Variants in WDR24 observed in about 807,000 individuals in gnomAD.
The protein encoded by WDR24 is WD repeat domain 24, also known as GATOR2 complex protein WDR24.
A neutral mutation model predicts 66.7 loss-of-function variants in WDR24; 32 were observed. The observed-to-expected ratio is 0.48, with a 90% CI of 0.36 to 0.64. The LOEUF (loss-of-function observed/expected upper bound fraction) is 0.64, where lower values mean the gene tolerates loss of function less well. Ranked by LOEUF, WDR24 falls within the 30% of genes least tolerant of loss-of-function variation. The pLI is 0.00. For synonymous variants in WDR24, 565 were observed against 469.1 expected (o/e 1.20, Z -2.64); for missense variants, 978 against 1,144.1 (o/e 0.85, Z 2.09).
In WDR24 at chr16:685,482, G is replaced by A. The variant is rs1271093784; in HGVS notation, c.1794C>T (p.Ser598=). ...LQDKADSPHV[S]GSEADVASLA... is the part of the protein sequence containing the mutation. The stretch of plus-strand genomic sequence containing the variant: ...GGGAGGCCACATCCGCCTCGCTGCC[G>A]CTCACGTGCGGGGAGTCGGCCTTGT... Residue 598 remains serine, a synonymous_variant, in exon 7 of 9, where the codon AGC becomes AGT. Transcript: ENST00000293883. 1 of 1,600,378 alleles carries A rather than the reference G, an allele frequency of 6.2e-7. No homozygotes were observed. Among genetic ancestry groups the A allele is most frequent in the Non-Finnish European group, 8.5e-7 (1 of 1,170,610 alleles).
rs765066319 is a variant in WDR24, at chr16:686,823, C to A, written c.1253G>T (p.Arg418Leu). The change falls in exon 3 of 9, where the codon CGT (arginine) becomes CTT (leucine). Residue 418 changes from arginine to leucine, a missense_variant. Physicochemically the swap from Arg to Leu is moderately radical, Grantham distance 102. Around this residue, in one of 2 missense-constraint regions of WDR24, gnomAD observed 676 missense variants for 617.5 expected, o/e 1.09. Coordinates refer to ENST00000293883, the MANE Select transcript of WDR24 (RefSeq NM_032259.4). ...GMRWFVDTAE[R>L]YALAGRPLAE... ...CAGTGGCCGGCCAGCCAGCGCATAA[C>A]GCTCAGCTGTGTCCACAAACCAGCG... 1.2e-6 allele frequency: 2 copies of A among 1,612,348 alleles called. No homozygotes were observed. Among genetic ancestry groups the A allele is most frequent in the South Asian group, 2.2e-5 (2 of 91,080 alleles).
Position 689,603 on chromosome 16 carries a change from C to T in WDR24, c.38G>A (p.Gly13Asp). ...KMSRVTTALG[G>D]SVLTGRTMHC... ...CATGGTGCGGCCTGTCAGCACGCTG[C>T]CACCCAGGGCTGTGGTCACACGGGA... The change falls in exon 1 of 9, where the codon GGC becomes GAC. Residue 13 changes from glycine to aspartate, a missense_variant. Coordinates refer to ENST00000293883, the MANE Select transcript of WDR24 (RefSeq NM_032259.4). The T allele has an allele frequency of 6.2e-7, 1 of 1,612,828 alleles. No individual in the cohort carries two copies. The highest frequency in any genetic ancestry group is 8.5e-7 in the Non-Finnish European group (1 of 1,179,992).
rs750721897 is a variant in WDR24 at position 687,635 on chromosome 16, G to T, written c.586C>A (p.Pro196Thr). 1.7e-4 allele frequency: 277 copies of T among 1,613,580 alleles called. No individual in the cohort carries two copies. Among genetic ancestry groups the T allele is most frequent in the Admixed American group, 5.5e-4 (33 of 60,030 alleles). ...GNVQLWDIRRPDRCERMFTAH... is the reference protein window; with the variant it reads ...GNVQLWDIRRTDRCERMFTAH... ...GTGAACATCCTCTCGCACCGGTCGG[G>T]ACGCCGGATGTCCCAGAGCTGCACA... Residue 196 changes from proline (P) to threonine (T), a missense_variant, in exon 2 of 9, where the codon CCC (proline) becomes ACC (threonine). This residue lies in a region of WDR24 where 302 missense variants were observed against 526.6 expected (regional missense o/e 0.57). Coordinates refer to ENST00000293883, the MANE Select transcript of WDR24 (RefSeq NM_032259.4).
chr16:690,290 G>A lies in WDR24; in HGVS notation c.-650C>T, dbSNP rs1261352924. 1 of 442,212 alleles carries A rather than the reference G, an allele frequency of 2.3e-6. No individual in the cohort carries two copies. The highest frequency in any genetic ancestry group is 2.0e-5 in the African/African-American group (1 of 49,672). 27.4% of individuals were successfully genotyped at this position (442,212 alleles called of 1,614,324 possible). On this transcript the variant is annotated 5_prime_UTR_variant, in exon 1 of 9. Coordinates refer to ENST00000293883, the MANE Select transcript of WDR24 (RefSeq NM_032259.4). ...AGCGGCGCAGTGGCGCGGGGGAGCG[G>A]ACGCTGCGGGACGAGAACCAGAGGG...
At position 686,778 on chromosome 16, in the gene WDR24, T is replaced by C; in HGVS notation, c.1298A>G (p.Asn433Ser). 1 of 1,607,322 alleles carries C rather than the reference T, an allele frequency of 6.2e-7. No homozygotes were observed. Among genetic ancestry groups the C allele is most frequent in the Non-Finnish European group, 8.5e-7 (1 of 1,175,568 alleles). Residue 433 changes from asparagine to serine, a missense_variant, in exon 3 of 9, where the codon AAC (asparagine) becomes AGC (serine). Transcript: ENST00000293883. ...GRPLAELCDH[N>S]AKVARELGRN... ...GCCAAGCTCTCGAGCCACCTTTGCG[T>C]TGTGGTCACAGAGCTCGGCCAGTGG...
intron 1 of WDR24, chr16:688,886 G>T: frequency 2.1e-6 from 1 of 471,160 alleles, no homozygotes; most frequent in Non-Finnish European, 3.8e-6. Flanking sequence ...AGGCTGGCTG[G>T]GAGACCGCTG....
intron 7 of WDR24, 25 bp downstream of exon 7, chr16:685,232 G>C (rs751730087): frequency 1.3e-6 from 2 of 1,595,706 alleles, no homozygotes; most frequent in East Asian, 2.2e-5. Flanking sequence ...GGCGCTGCAG[G>C]GGGGAGGCCC....
Position 686,853 on chromosome 16 carries a change from C to G in WDR24, c.1223G>C (p.Gly408Ala). Residue 408 changes from glycine to alanine, a missense_variant, in exon 3 of 9, where the codon GGC becomes GCC. Transcript: ENST00000293883. ...SVFETEPGGG[G>A]MRWFVDTAER... ...AGCTGTGTCCACAAACCAGCGCATG[C>G]CGCCGCCACCTGGCTCCGTCTCAAA... 1.2e-6 allele frequency: 2 copies of G among 1,610,868 alleles called. No individual in the cohort carries two copies. The highest frequency in any genetic ancestry group is 1.7e-6 in the Non-Finnish European group (2 of 1,179,736).
Position 685,758 on chromosome 16 carries a change from G to A in WDR24, c.1599C>T (p.Asp533=), listed in dbSNP as rs780722968. ...NEDNEETEGS[D]VPADYLLGDV... ...CACCCAGCAGGTAGTCGGCAGGTAC[G>A]TCGCTGCCCTCGGTTTCCTCGTTAT... The change falls in exon 6 of 9, where the codon GAC becomes GAT. Residue 533 remains aspartate, a synonymous_variant. Transcript: ENST00000293883. The A allele has an allele frequency of 5.0e-6, 8 of 1,613,166 alleles. No homozygotes were observed. The African/African-American group carries it at 6.7e-5, about 13-fold the overall frequency.
At position 685,144 on chromosome 16, in the gene WDR24, C is replaced by T. The variant is rs748879826; in HGVS notation, c.2052G>A (p.Leu684=). 1.3e-6 allele frequency: 2 copies of T among 1,568,186 alleles called. No individual in the cohort carries two copies. The highest frequency in any genetic ancestry group is 1.2e-5 in the South Asian group (1 of 86,496). Residue 684 remains leucine (L), a synonymous_variant, in exon 8 of 9, where the codon CTG becomes CTA. Coordinates refer to ENST00000293883, the MANE Select transcript of WDR24 (RefSeq NM_032259.4). ...EHWYTSYIDL[L]QRFRLWNVSN... ...ACACGTTCCAGAGGCGGAAGCGCTG[C>T]AGCAGGTCGATGTAGGAAGTGTACC...
chr16:687,512 G>T, intron 2 of WDR24, 50 bp downstream of exon 2: 1 of 1,598,914 alleles, frequency 6.3e-7, no homozygotes. Context: ...TGGATCTGAG[G>T]CAGTGAGAGC....
In WDR24 at chr16:687,635, G is replaced by A; in HGVS notation, c.586C>T (p.Pro196Ser). Residue 196 changes from proline to serine, a missense_variant, in exon 2 of 9, where the codon CCC becomes TCC. Physicochemically the swap from Pro to Ser is moderately conservative, Grantham distance 74 (BLOSUM62 -1). Transcript: ENST00000293883. ...GTGAACATCCTCTCGCACCGGTCGG[G>A]ACGCCGGATGTCCCAGAGCTGCACA... is the stretch of plus-strand genomic sequence containing the variant. ...GNVQLWDIRR[P>S]DRCERMFTAH... The A allele has an allele frequency of 1.2e-6, 2 of 1,613,580 alleles. No homozygotes were observed. The highest frequency in any genetic ancestry group is 1.7e-6 in the Non-Finnish European group (2 of 1,180,030).
At chr16:686,689 C>T (rs2039911297) in intron 3 of WDR24, 55 bp downstream of exon 3, 15 of 1,529,004 alleles carry the variant, frequency 9.8e-6, no homozygotes, top group Non-Finnish European at 1.3e-5. Context: ...ACGGAGGAAC[C>T]AGCCCCTGCC....
At chr16:686,704 G>A in intron 3 of WDR24, 40 bp downstream of exon 3, 1 of 1,550,102 alleles carries the variant, frequency 6.5e-7, no homozygotes, top group South Asian at 1.2e-5. Context: ...CCTGCCCTGA[G>A]GTCGTGGCCC....
rs546263208 is a variant in WDR24 at position 684,647 on chromosome 16, C to T, written c.*87G>A. The T allele has an allele frequency of 6.8e-7, 1 of 1,463,322 alleles. No homozygotes were observed. The allele number at this position is 1,463,322 out of a possible 1,614,324, so 90.6% of individuals were successfully genotyped here. A position where few individuals can be genotyped will look rare whatever the true frequency, so the allele number is the denominator to read the frequency against. ...GCGGCTCTACTTCCTTTATTGAGGT[C>T]TCAAGTTCCAGCCTCCGCCCGTCTC... is the stretch of plus-strand genomic sequence containing the variant. On this transcript the variant is annotated 3_prime_UTR_variant, in exon 9 of 9. Transcript: ENST00000293883.
Position 685,319 on chromosome 16 carries a change from C to G in WDR24, c.1957G>C (p.Ala653Pro). 6.2e-7 allele frequency: 1 copy of G among 1,605,698 alleles called. No homozygotes were observed. The highest frequency in any genetic ancestry group is 8.5e-7 in the Non-Finnish European group (1 of 1,177,700). ...FYAEQGDVQMAVSVLIVLGER... is the reference protein window; with the variant it reads ...FYAEQGDVQMPVSVLIVLGER... ...CCCAGGACGATGAGCACAGACACAG[C>G]CATCTGCACGTCGCCCTGCTCAGCG... The change falls in exon 7 of 9, where the codon GCT (alanine) becomes CCT (proline). Residue 653 changes from alanine (A) to proline (P), a missense_variant. Around this residue, in one of 2 missense-constraint regions of WDR24, gnomAD observed 676 missense variants for 617.5 expected, o/e 1.09. Transcript: ENST00000293883.
chr16:686,766 G>A lies in WDR24; in HGVS notation c.1310C>T (p.Ala437Val), dbSNP rs764978403. 1 of 1,601,406 alleles carries A rather than the reference G, an allele frequency of 6.2e-7. No individual in the cohort carries two copies. The highest frequency in any genetic ancestry group is 2.2e-5 in the East Asian group (1 of 44,598). ...AELCDHNAKV[A>V]RELGRNQVAQ... ...TACCTGGTTGCGGCCAAGCTCTCGAGCCACCTTTGCGTTGTGGTCACAGAG... is the reference window on the plus strand; with the variant it reads ...TACCTGGTTGCGGCCAAGCTCTCGAACCACCTTTGCGTTGTGGTCACAGAG... The change falls in exon 3 of 9, where the codon GCT (alanine) becomes GTT (valine). Residue 437 changes from alanine to valine, a missense_variant. Physicochemically the swap from Ala to Val is moderately conservative, Grantham distance 64. Coordinates refer to ENST00000293883, the MANE Select transcript of WDR24 (RefSeq NM_032259.4).
Position 687,858 on chromosome 16 carries a change from G to A in WDR24, c.482-119C>T, listed in dbSNP as rs760838601. ...GTGGCCCAGAACAGAGGCCCAGAGGGTAGAGTGGACATCCCCAAGATCTGC... is the reference window on the plus strand; with the variant it reads ...GTGGCCCAGAACAGAGGCCCAGAGGATAGAGTGGACATCCCCAAGATCTGC... On this transcript the variant is annotated intron_variant, in intron 1 of 8. Coordinates refer to ENST00000293883, the MANE Select transcript of WDR24 (RefSeq NM_032259.4). The A allele has an allele frequency of 1.3e-5, 18 of 1,341,638 alleles. No individual in the cohort carries two copies. In the Admixed American group the frequency reaches 2.4e-4, roughly 18 times the overall value. The allele number at this position is 1,341,638 out of a possible 1,614,324, so 83.1% of individuals were successfully genotyped here.
At chr16:687,961 T>TC in intron 1 of WDR24, 1 of 692,776 alleles carries the variant, frequency 1.4e-6, no homozygotes, top group Non-Finnish European at 2.6e-6. Flanking sequence ...TAACACATAC[T>TC]CCCGGGCGTC....
Sources: gnomAD v4.1 joint callset for allele counts on GRCh38, gnomAD v4.1.1 for gene constraint, gnomAD v4.1.1 regional missense constraint, MANE v1.5 for transcripts, NCBI Gene and HGNC (gene_info 2026-07-23, HGNC 2026-07-21) for gene names.